Variants in CLSTN2 observed in about 807,000 individuals in gnomAD.
CLSTN2 encodes the protein calsyntenin 2.
In CLSTN2, 48 loss-of-function variants were observed where a neutral mutation model predicts 101.2. The ratio of observed to expected loss-of-function variants is 0.47; its 90% CI spans 0.38 to 0.60. The LOEUF (loss-of-function observed/expected upper bound fraction) is 0.60, where lower values mean the gene tolerates loss of function less well. Among genes scored for constraint, CLSTN2 ranks in the 20% least tolerant of loss-of-function variants. The pLI, the probability that CLSTN2 is intolerant of heterozygous loss-of-function variation, is 0.00. For synonymous variants in CLSTN2, 481 were observed against 463.6 expected, an observed-to-expected ratio of 1.04 and a Z score of -0.48; for missense variants, 1,160 against 1,238.2, an observed-to-expected ratio of 0.94 and a Z score of 0.95.
intron 1 of CLSTN2, among the ~76,000 whole-genome samples, chr3:140,165,511 G>C (rs1010054156): frequency 6.6e-6 from 1 of 152,192 alleles, no homozygotes; most frequent in African/African-American, 2.4e-5. Flanking sequence ...TGTGGCATGA[G>C]AGCAGACAGT....
In CLSTN2 at chr3:140,485,835, C is replaced by T. The variant is rs527407383; in HGVS notation, c.1344+19104C>T. ...CAGTAGTATTAGGGTGTGAGTGACC[C>T]GATTTTCCAGGTGCCGTCTGTCACC... is the stretch of plus-strand genomic sequence containing the variant. On this transcript the variant is annotated intron_variant, in intron 8 of 16. Coordinates refer to ENST00000458420, the MANE Select transcript of CLSTN2 (RefSeq NM_022131.3). 5.9e-5 allele frequency among the ~76,000 whole-genome samples: 9 copies of T among 152,100 alleles called. No individual in the cohort carries two copies. The South Asian group carries it at 6.3e-4, about 11-fold the overall frequency.
intron 2 of CLSTN2, among the ~76,000 whole-genome samples, chr3:140,246,318 C>G (rs753031152): frequency 2.0e-5 from 3 of 152,132 alleles, no homozygotes; most frequent in Non-Finnish European, 4.4e-5. Context: ...AATCAGAGAG[C>G]GTTCCTGGTA....
At chr3:140,253,995 T>G (rs1458724356) in intron 2 of CLSTN2, among the ~76,000 whole-genome samples, 2 of 152,138 alleles carry the variant, frequency 1.3e-5, no homozygotes, top group African/African-American at 4.8e-5. Flanking sequence ...ATGTTTTGCC[T>G]CCTTTGGAAT....
chr3:140,335,049 C>T (rs1200042459), intron 2 of CLSTN2, among the ~76,000 whole-genome samples: 1 of 152,234 alleles, frequency 6.6e-6, no homozygotes, highest in Non-Finnish European at 1.5e-5. Flanking sequence ...AAGGGAGCGA[C>T]TGGATCCTTA....
chr3:140,160,804 A>G (rs1176743967), intron 1 of CLSTN2, among the ~76,000 whole-genome samples: 3 of 152,226 alleles, frequency 2.0e-5, no homozygotes, highest in South Asian at 4.2e-4. Context: ...ACCTACCACA[A>G]TAGCTTTCAA....
intron 2 of CLSTN2, among the ~76,000 whole-genome samples, chr3:140,276,271 T>A (rs2086794337): frequency 6.6e-6 from 1 of 152,204 alleles, no homozygotes; most frequent in South Asian, 2.1e-4. Flanking sequence ...AGAATGCATA[T>A]GTATCCCCTT....
chr3:140,139,360 A>G (rs990006568), intron 1 of CLSTN2, among the ~76,000 whole-genome samples: 8 of 152,222 alleles, frequency 5.3e-5, no homozygotes, highest in African/African-American at 1.9e-4. Flanking sequence ...GACTGAGCTA[A>G]TGAGCCAGCT....
intron 1 of CLSTN2, among the ~76,000 whole-genome samples, chr3:140,119,512 A>G (rs548994948): frequency 6.6e-6 from 1 of 152,162 alleles, no homozygotes; most frequent in African/African-American, 2.4e-5. Flanking sequence ...CAGGGCACCT[A>G]ATTTTGTTTT....
intron 1 of CLSTN2, among the ~76,000 whole-genome samples, chr3:140,054,705 G>C (rs761419106): frequency 2.0e-5 from 3 of 152,184 alleles, no homozygotes; most frequent in African/African-American, 7.2e-5. Context: ...GAGTTTGTAG[G>C]GGGTGTATGT....
chr3:140,158,128 C>G (rs2009986266), intron 1 of CLSTN2, among the ~76,000 whole-genome samples: 1 of 152,132 alleles, frequency 6.6e-6, no homozygotes, highest in Non-Finnish European at 1.5e-5. Flanking sequence ...TGGGAGCATT[C>G]CCCTTGAGAA....
intron 1 of CLSTN2, among the ~76,000 whole-genome samples, chr3:139,952,930 G>T (rs962876112): frequency 5.3e-5 from 8 of 152,130 alleles, no homozygotes; most frequent in African/African-American, 9.7e-5. Flanking sequence ...TTCACCAAGG[G>T]TGGTCACAAA....
chr3:140,430,248 T>G (rs1435455228), intron 5 of CLSTN2, among the ~76,000 whole-genome samples: 1 of 152,166 alleles, frequency 6.6e-6, no homozygotes, highest in East Asian at 1.9e-4. Context: ...CAACCTTTTA[T>G]TTTAATAGAT....
chr3:140,157,086 A>G lies in CLSTN2; in HGVS notation c.110-18865A>G, dbSNP rs116395529. 7.3e-3 allele frequency among the ~76,000 whole-genome samples: 1,113 copies of G among 152,276 alleles called. 12 individuals are homozygous for G. The highest frequency in any genetic ancestry group is 0.026 in the African/African-American group (1,060 of 41,548). On this transcript the variant is annotated intron_variant, in intron 1 of 16. Transcript: ENST00000458420. ...TAGATTGACTTCCTAGAAGTGCTCA[A>G]TGAGGGGAAGCATCGCTGCTCAGAA...
At chr3:140,066,769 A>G (rs1385888971) in intron 1 of CLSTN2, among the ~76,000 whole-genome samples, 5 of 152,212 alleles carry the variant, frequency 3.3e-5, no homozygotes, top group African/African-American at 1.2e-4. Context: ...CATCAGATGC[A>G]TTACCTTTCA....
chr3:140,351,574 A>G (rs905095931), intron 2 of CLSTN2, among the ~76,000 whole-genome samples: 3 of 152,088 alleles, frequency 2.0e-5, no homozygotes, highest in African/African-American at 7.2e-5. Context: ...AATGTTTTAA[A>G]CTCTGTGGGC....
At chr3:140,331,956 G>T (rs886546589) in intron 2 of CLSTN2, among the ~76,000 whole-genome samples, 1 of 152,168 alleles carries the variant, frequency 6.6e-6, no homozygotes, top group Non-Finnish European at 1.5e-5. Flanking sequence ...TATTCTTCAA[G>T]AATATTTTCA....
At chr3:140,066,057 G>A (rs149974599) in intron 1 of CLSTN2, among the ~76,000 whole-genome samples, 36 of 152,306 alleles carry the variant, frequency 2.4e-4, no homozygotes, top group East Asian at 1.9e-3. Context: ...GAAGCTTTAC[G>A]CAATCAAATA....
At chr3:140,085,964 T>G (rs919825250) in intron 1 of CLSTN2, among the ~76,000 whole-genome samples, 5 of 152,184 alleles carry the variant, frequency 3.3e-5, no homozygotes, top group Non-Finnish European at 7.3e-5. Context: ...GGAGACTCCC[T>G]TCAGATGCAC....
chr3:140,298,710 C>CA (rs2087026466), intron 2 of CLSTN2, among the ~76,000 whole-genome samples: 1 of 152,152 alleles, frequency 6.6e-6, no homozygotes, highest in Non-Finnish European at 1.5e-5. Flanking sequence ...AAACTTCCTC[C>CA]AAAAGCCCAT....
Sources: gnomAD v4.1 joint callset for allele counts (sites outside exome capture counted in the v4.1 genomes callset) on GRCh38, gnomAD v4.1.1 for gene constraint, MANE v1.5 for transcripts, NCBI Gene and HGNC (gene_info 2026-07-23, HGNC 2026-07-21) for gene names.